Variants in CSRNP3 observed in about 807,000 individuals in gnomAD.
The protein encoded by CSRNP3 is cysteine/serine-rich nuclear protein 3.
CSRNP3 carries 12 observed loss-of-function variants against 48.0 expected under a neutral mutation model. That is an observed-to-expected ratio of 0.25 (90% CI 0.16 to 0.41). CSRNP3 has a LOEUF of 0.41. Ranked by LOEUF, CSRNP3 falls within the 10% of genes least tolerant of loss-of-function variation. CSRNP3 has a pLI of 1.00. For synonymous variants in CSRNP3, 263 were observed against 269.7 expected, an observed-to-expected ratio of 0.98 and a Z score of 0.24; for missense variants, 580 against 724.4, an observed-to-expected ratio of 0.80 and a Z score of 2.29.
chr2:165,653,972 CAAAAAAAAAAAAAAAAAAAAAAAAA>C (rs71028497), intron 4 of CSRNP3, among the ~76,000 whole-genome samples: 6 of 41,204 alleles, frequency 1.5e-4, no homozygotes, highest in African/African-American at 5.9e-4. Flanking sequence ...AGCTCTATCA[CAAAAAAAAAAAAAAAAAAAAAAAAA>C]AAAAAAAAAA....
At chr2:165,668,084 T>C (rs923374126) in intron 5 of CSRNP3, among the ~76,000 whole-genome samples, 1 of 152,196 alleles carries the variant, frequency 6.6e-6, no homozygotes, top group Non-Finnish European at 1.5e-5. Flanking sequence ...GCTCACAGTA[T>C]GATAGGGGAG....
chr2:165,546,287 G>A lies in CSRNP3; in HGVS notation c.-24+28326G>A, dbSNP rs904072564. On this transcript the variant is annotated intron_variant, in intron 3 of 6. Coordinates refer to ENST00000651982, the MANE Select transcript of CSRNP3 (RefSeq NM_001172173.2). ...GCTCACTGCAACCTCTGTTCAATTG[G>A]GTTCAAGCGATTCTCCTGCCTTAGC... Among the ~76,000 whole-genome samples, 3 of 152,120 alleles carry A rather than the reference G, an allele frequency of 2.0e-5. No homozygotes were observed. In the South Asian group the frequency reaches 6.2e-4, roughly 32 times the overall value.
intron 3 of CSRNP3, among the ~76,000 whole-genome samples, chr2:165,588,155 T>G (rs1685661251): frequency 6.6e-6 from 1 of 152,022 alleles, no homozygotes; most frequent in South Asian, 2.1e-4. Context: ...AAAAAGTAGA[T>G]CAGAAGGAAT....
chr2:165,490,774 C>T (rs1684194757), intron 1 of CSRNP3, among the ~76,000 whole-genome samples: 1 of 139,092 alleles, frequency 7.2e-6, no homozygotes, highest in Non-Finnish European at 1.6e-5. Context: ...GGATCCCTTC[C>T]TTACACTTTA....
intron 2 of CSRNP3, among the ~76,000 whole-genome samples, chr2:165,509,667 A>G (rs1684475525): frequency 1.3e-5 from 2 of 152,204 alleles, no homozygotes; most frequent in Admixed American, 1.3e-4. Context: ...GAGAGTTCCC[A>G]TGCACCCTTT....
At chr2:165,641,136 T>C in intron 4 of CSRNP3, among the ~76,000 whole-genome samples, 1 of 152,212 alleles carries the variant, frequency 6.6e-6, no homozygotes, top group East Asian at 1.9e-4. Flanking sequence ...CTTTATTTTA[T>C]GTATAAATAA....
At chr2:165,473,441 T>A (rs1996214) in intron 1 of CSRNP3, among the ~76,000 whole-genome samples, 2,403 of 152,150 alleles carry the variant, frequency 0.016, 61 homozygotes, top group African/African-American at 0.054. Flanking sequence ...AAAGCTTGGG[T>A]CAGATTTAAT....
intron 4 of CSRNP3, among the ~76,000 whole-genome samples, chr2:165,650,009 C>A (rs1412132652): frequency 6.6e-6 from 1 of 151,940 alleles, no homozygotes; most frequent in African/African-American, 2.4e-5. Context: ...TGTAAAATAA[C>A]AGATCAGCTT....
At chr2:165,505,893 G>C (rs116527053) in intron 2 of CSRNP3, among the ~76,000 whole-genome samples, 2,407 of 152,168 alleles carry the variant, frequency 0.016, 59 homozygotes, top group African/African-American at 0.054. Flanking sequence ...CAAAGTTAAT[G>C]ATTACGGTTA....
intron 4 of CSRNP3, among the ~76,000 whole-genome samples, chr2:165,597,298 C>A (rs951025037): frequency 6.6e-6 from 1 of 151,944 alleles, no homozygotes; most frequent in African/African-American, 2.4e-5. Flanking sequence ...TTCTAATGTG[C>A]CCTACCTAGG....
intron 3 of CSRNP3, among the ~76,000 whole-genome samples, chr2:165,520,783 T>TATA (rs1491513009): frequency 2.7e-4 from 8 of 29,670 alleles, no homozygotes; most frequent in African/African-American, 2.1e-3. Flanking sequence ...TATATATATA[T>TATA]TATATATATA....
intron 3 of CSRNP3, among the ~76,000 whole-genome samples, chr2:165,551,784 T>A (rs1488158672): frequency 6.6e-6 from 1 of 151,840 alleles, no homozygotes; most frequent in African/African-American, 2.4e-5. Flanking sequence ...ATATACGAAT[T>A]ATTAAAAAAA....
rs1343485168 is a variant in CSRNP3 at position 165,689,065 on chromosome 2, GTATAAGT to G, written c.*9318_*9324del. On this transcript the variant is annotated 3_prime_UTR_variant, in exon 7 of 7. Transcript: ENST00000651982. ...CAGTTTCTAGATTGATTTCTCTTGT[GTATAAGT>G]TATAACATCAAAAATGCCAAAGGGT... 6.6e-6 allele frequency: 1 copy of G among 152,030 alleles called. No individual in the cohort carries two copies. The highest frequency in any genetic ancestry group is 1.5e-5 in the Non-Finnish European group (1 of 67,996). The allele number at this position is 152,030 out of a possible 1,614,324, so 9.4% of individuals were successfully genotyped here.
At chr2:165,521,154 T>G (rs1684656060) in intron 3 of CSRNP3, among the ~76,000 whole-genome samples, 1 of 149,844 alleles carries the variant, frequency 6.7e-6, no homozygotes, top group Admixed American at 6.7e-5. Flanking sequence ...ACAGCTTGTG[T>G]TGTCTGTTAT....
intron 4 of CSRNP3, among the ~76,000 whole-genome samples, chr2:165,654,452 T>C (rs1223779820): frequency 6.6e-6 from 1 of 152,142 alleles, no homozygotes; most frequent in Admixed American, 6.5e-5. Flanking sequence ...CAATATCTTC[T>C]GGAGAAGCAA....
At chr2:165,545,003 A>G (rs1182132141) in intron 3 of CSRNP3, among the ~76,000 whole-genome samples, 2 of 151,246 alleles carry the variant, frequency 1.3e-5, no homozygotes, top group South Asian at 2.2e-4. Flanking sequence ...ACCCAAAAGA[A>G]TGGGTAGTAT....
rs1452981285 is a variant in CSRNP3, at chr2:165,642,103, A to AACACACACACACACACAAACACAC, written c.149-15641_149-15640insAACACACACACACACACACACACA. ...TAGTACCTGAGAATACACACACACAAACACACACACACACACACACACACA... is the reference window on the plus strand; with the variant it reads ...TAGTACCTGAGAATACACACACACAAACACACACACACACACAAACACACACACACACACACACACACACACACA... On this transcript the variant is annotated intron_variant, in intron 4 of 6. Coordinates refer to ENST00000651982, the MANE Select transcript of CSRNP3 (RefSeq NM_001172173.2). 3.8e-5 allele frequency among the ~76,000 whole-genome samples: 5 copies of AACACACACACACACACAAACACAC among 132,104 alleles called. No homozygotes were observed. The South Asian group carries it at 8.1e-4, about 21-fold the overall frequency. The allele number at this position is 132,104 out of a possible 152,430, so 86.7% of individuals were successfully genotyped here. A position where few individuals can be genotyped will look rare whatever the true frequency, so the allele number is the denominator to read the frequency against.
At chr2:165,562,250 G>A (rs1167122268) in intron 3 of CSRNP3, among the ~76,000 whole-genome samples, 1 of 152,178 alleles carries the variant, frequency 6.6e-6, no homozygotes, top group African/African-American at 2.4e-5. Context: ...AAAGGTTGAA[G>A]CACATCTCTT....
At position 165,500,461 on chromosome 2, in the gene CSRNP3, A is replaced by G. The variant is rs2105464977; in HGVS notation, c.-113+5533A>G. On this transcript the variant is annotated intron_variant, in intron 2 of 6. Transcript: ENST00000651982. ...CACACGTGTATATATATATATATAT[A>G]TATTTTGAGACGGAGTCTCCCTCTG... 2.0e-5 allele frequency among the ~76,000 whole-genome samples: 3 copies of G among 150,418 alleles called. No homozygotes were observed. In the Middle Eastern group the frequency reaches 0.01, roughly 526 times the overall value.
Sources: gnomAD v4.1 joint callset for allele counts (sites outside exome capture counted in the v4.1 genomes callset) on GRCh38, gnomAD v4.1.1 for gene constraint, MANE v1.5 for transcripts, NCBI Gene and HGNC (gene_info 2026-07-23, HGNC 2026-07-21) for gene names.